MMP21: variants seen among roughly 807,000 people sequenced by gnomAD.
MMP21 encodes the protein matrix metallopeptidase 21.
MMP21 carries 40 observed loss-of-function variants against 47.8 expected under a neutral mutation model. The observed-to-expected ratio is 0.84, with a 90% CI of 0.65 to 1.09. The LOEUF (loss-of-function observed/expected upper bound fraction) is 1.09, where lower values mean the gene tolerates loss of function less well. Ranked by LOEUF, MMP21 falls within the 50% of genes least tolerant of loss-of-function variation. The pLI is 0.00. For missense variants in MMP21, 747 were observed against 775.3 expected (o/e 0.96, Z 0.43); for synonymous variants, 341 against 318.0 (o/e 1.07, Z -0.77).
chr10:125,768,767 G>T (rs1850412758), intron 5 of MMP21, among the ~76,000 whole-genome samples: 1 of 152,200 alleles, frequency 6.6e-6, no homozygotes, highest in Non-Finnish European at 1.5e-5. Context: ...CTATAATTAT[G>T]ATTCTTTGAG....
At chr10:125,775,265 G>A (rs973324923) in intron 1 of MMP21, among the ~76,000 whole-genome samples, 3 of 152,190 alleles carry the variant, frequency 2.0e-5, no homozygotes, top group South Asian at 2.1e-4. Flanking sequence ...TTACTATTGC[G>A]GTGTTGGGGA....
In MMP21 at chr10:125,773,053, G is replaced by C. The variant is rs768039083; in HGVS notation, c.698-303C>G. ...AAAAAGGCCTCACCCGGACAAGATC[G>C]GGGCCGGATCCTCGCCTCTGCGGAG... On this transcript the variant is annotated intron_variant, in intron 2 of 6. Coordinates refer to ENST00000368808, the MANE Select transcript of MMP21 (RefSeq NM_147191.1). This position sits in a 1 kb window ranked among gnomAD's most constrained non-coding sequence, Gnocchi z 4.8. Among the ~76,000 whole-genome samples, 1 of 152,252 alleles carries C rather than the reference G, an allele frequency of 6.6e-6. No homozygotes were observed. The highest frequency in any genetic ancestry group is 2.4e-5 in the African/African-American group (1 of 41,472).
Position 125,773,737 on chromosome 10 carries a change from G to GC in MMP21, c.697+93dup. 7.1e-7 allele frequency: 1 copy of GC among 1,412,494 alleles called. No individual in the cohort carries two copies. The highest frequency in any genetic ancestry group is 9.2e-7 in the Non-Finnish European group (1 of 1,086,012). 87.5% of individuals were successfully genotyped at this position (1,412,494 alleles called of 1,614,324 possible). A position where few individuals can be genotyped will look rare whatever the true frequency, so the allele number is the denominator to read the frequency against. Reference sequence around the variant, plus strand: ...CCCCGGGACAGGCCGGGAGGGCTTAGCCCCCCATTCTGCAGGTGGCCGAGG... The same window carrying GC: ...CCCCGGGACAGGCCGGGAGGGCTTAGCCCCCCCATTCTGCAGGTGGCCGAGG... On this transcript the variant is annotated intron_variant, in intron 2 of 6. Coordinates refer to ENST00000368808, the MANE Select transcript of MMP21 (RefSeq NM_147191.1). The surrounding 1 kb of genome is among the most constrained non-coding windows in gnomAD (Gnocchi z 4.8).
intron 4 of MMP21, among the ~76,000 whole-genome samples, chr10:125,770,849 C>CAAA (rs5788714): frequency 1.0e-5 from 1 of 98,138 alleles, no homozygotes; most frequent in African/African-American, 3.6e-5. Flanking sequence ...CCAGTGTCTA[C>CAAA]AAAAAAAAAA....
At position 125,774,147 on chromosome 10, in the gene MMP21, G is replaced by T; in HGVS notation, c.381C>A (p.Pro127=). ...GGCCCGGGGGCGAAGGCGGGGCGGAGGGGGGCGGTGGGCGCATGTCCGGGA... is the reference window on the plus strand; with the variant it reads ...GGCCCGGGGGCGAAGGCGGGGCGGATGGGGGCGGTGGGCGCATGTCCGGGA... ...CGVPDMRPPP[P]SAPPSPPGPP... is the part of the protein sequence containing the mutation. The change falls in exon 2 of 7, where the codon CCC becomes CCA. Residue 127 remains proline (P), a synonymous_variant. Coordinates refer to ENST00000368808, the MANE Select transcript of MMP21 (RefSeq NM_147191.1). The T allele has an allele frequency of 7.8e-7, 1 of 1,278,540 alleles. No homozygotes were observed. Among genetic ancestry groups the T allele is most frequent in the Non-Finnish European group, 9.8e-7 (1 of 1,016,732 alleles). The allele number at this position is 1,278,540 out of a possible 1,614,324, so 79.2% of individuals were successfully genotyped here.
intron 5 of MMP21, among the ~76,000 whole-genome samples, 174 bp downstream of exon 5, chr10:125,770,160 T>A (rs1850429761): frequency 6.6e-6 from 1 of 151,912 alleles, no homozygotes; most frequent in African/African-American, 2.4e-5. Flanking sequence ...ACAAAAAAAA[T>A]GGAATACAAC....
chr10:125,774,326 C>T lies in MMP21; in HGVS notation c.202G>A (p.Ala68Thr). The T allele has an allele frequency of 2.1e-6, 3 of 1,411,946 alleles. No individual in the cohort carries two copies. The highest frequency in any genetic ancestry group is 3.0e-5 in the East Asian group (1 of 33,366). 87.5% of individuals were successfully genotyped at this position (1,411,946 alleles called of 1,614,324 possible). A position where few individuals can be genotyped will look rare whatever the true frequency, so the allele number is the denominator to read the frequency against. Residue 68 changes from alanine to threonine, a missense_variant, in exon 2 of 7, where the codon GCC becomes ACC. Ala to Thr is a moderately conservative substitution (Grantham distance 58). Coordinates refer to ENST00000368808, the MANE Select transcript of MMP21 (RefSeq NM_147191.1). ...SRYGWSGVWA[A>T]WGPSPEGPPE... Reference sequence around the variant, plus strand: ...GGCCCCTCGGGACTGGGCCCCCAGGCCGCCCACACCCCTGACCAGCCGTAT... The same window carrying T: ...GGCCCCTCGGGACTGGGCCCCCAGGTCGCCCACACCCCTGACCAGCCGTAT...
In MMP21 at chr10:125,774,301, G is replaced by A. The variant is rs1850491578; in HGVS notation, c.227C>T (p.Pro76Leu). 2.1e-6 allele frequency: 3 copies of A among 1,415,930 alleles called. No homozygotes were observed. The highest frequency in any genetic ancestry group is 3.2e-5 in the Admixed American group (1 of 30,944). 87.7% of individuals were successfully genotyped at this position (1,415,930 alleles called of 1,614,324 possible). Residue 76 changes from proline to leucine, a missense_variant, in exon 2 of 7, where the codon CCG (proline) becomes CTG (leucine). Coordinates refer to ENST00000368808, the MANE Select transcript of MMP21 (RefSeq NM_147191.1). ...GGCGGCGCCCTTGGGGGTCTCCGGC[G>A]GCCCCTCGGGACTGGGCCCCCAGGC... ...WAAWGPSPEG[P>L]PETPKGAALA...
chr10:125,769,848 C>T (rs988002774), intron 5 of MMP21, among the ~76,000 whole-genome samples: 2 of 152,118 alleles, frequency 1.3e-5, no homozygotes, highest in Non-Finnish European at 2.9e-5. Context: ...GACTTAGTGC[C>T]GTCTTAAAAA....
chr10:125,767,071 T>G (rs558121884), intron 6 of MMP21, 110 bp from the exon 7 acceptor site: 2 of 855,484 alleles, frequency 2.3e-6, no homozygotes, highest in South Asian at 3.9e-5. Context: ...TTCTTTAGAC[T>G]TGAACTTCTT....
rs150375911 is a variant in MMP21 at position 125,774,042 on chromosome 10, G to A, written c.486C>T (p.Tyr162=). The part of the protein sequence containing the change: ...LSRRGWQPRG[Y]PDGGAAQAFS... Reference sequence around the variant, plus strand: ...AGGCCTGGGCAGCTCCGCCGTCGGGGTAGCCCCGGGGCTGCCAACCCCGCC... The same window carrying A: ...AGGCCTGGGCAGCTCCGCCGTCGGGATAGCCCCGGGGCTGCCAACCCCGCC... The change falls in exon 2 of 7, where the codon TAC becomes TAT. Residue 162 remains tyrosine, a synonymous_variant. Coordinates refer to ENST00000368808, the MANE Select transcript of MMP21 (RefSeq NM_147191.1). The A allele has an allele frequency of 0.014, 21,298 of 1,482,208 alleles. 226 individuals are homozygous for A. Among genetic ancestry groups the A allele is most frequent in the Middle Eastern group, 0.021 (119 of 5,718 alleles). 91.8% of individuals were successfully genotyped at this position (1,482,208 alleles called of 1,614,324 possible).
chr10:125,766,717 A>G lies in MMP21; in HGVS notation c.1655T>C (p.Ile552Thr). The G allele has an allele frequency of 2.5e-6, 4 of 1,613,782 alleles. No homozygotes were observed. The highest frequency in any genetic ancestry group is 1.7e-4 in the Middle Eastern group (1 of 6,056). Reference sequence around the variant, plus strand: ...ACAAACATCAAACCACTTCTCTGAAATAAACTTTTTTGGAAATAAGCCATT... The same window carrying G: ...ACAAACATCAAACCACTTCTCTGAAGTAAACTTTTTTGGAAATAAGCCATT... ...PANGLFPKKF[I>T]SEKWFDVCDV... Residue 552 changes from isoleucine to threonine, a missense_variant, in exon 7 of 7, where the codon ATT becomes ACT. By Grantham distance (89) the Ile-to-Thr change is moderately conservative. Transcript: ENST00000368808.
intron 1 of MMP21, 23 bp from the exon 2 acceptor site, chr10:125,774,388 A>G: frequency 7.6e-7 from 1 of 1,323,446 alleles, no homozygotes; most frequent in East Asian, 3.1e-5. Flanking sequence ...AAGGCACCCT[A>G]ATCTGGGCCG....
Position 125,773,780 on chromosome 10 carries a change from G to C in MMP21, c.697+51C>G, listed in dbSNP as rs764658680. On this transcript the variant is annotated intron_variant, in intron 2 of 6. Transcript: ENST00000368808. This position sits in a 1 kb window ranked among gnomAD's most constrained non-coding sequence, Gnocchi z 4.8. ...GGCCGAGGTGGGGGTAGGTGCGCCG[G>C]GGTCCCCGAGGGGCTGGGTCGGGCA... 6.9e-7 allele frequency: 1 copy of C among 1,451,868 alleles called. No homozygotes were observed. The highest frequency in any genetic ancestry group is 2.4e-5 in the Admixed American group (1 of 41,140). The allele number at this position is 1,451,868 out of a possible 1,614,324, so 89.9% of individuals were successfully genotyped here.
rs1589893855 is a variant in MMP21 at position 125,772,802 on chromosome 10, A to G, written c.698-52T>C. 4.4e-6 allele frequency: 7 copies of G among 1,593,590 alleles called. No individual in the cohort carries two copies. The highest frequency in any genetic ancestry group is 6.0e-6 in the Non-Finnish European group (7 of 1,169,304). Reference sequence around the variant, plus strand: ...CCGGTGAAGGATGAGTGCCCCCCATACAGACTCCTCACCTAGGGGGTCCCC... The same window carrying G: ...CCGGTGAAGGATGAGTGCCCCCCATGCAGACTCCTCACCTAGGGGGTCCCC... On this transcript the variant is annotated intron_variant, in intron 2 of 6. Coordinates refer to ENST00000368808, the MANE Select transcript of MMP21 (RefSeq NM_147191.1). This position sits in a 1 kb window ranked among gnomAD's most constrained non-coding sequence, Gnocchi z 5.6.
chr10:125,767,058 AAATTCT>A, intron 6 of MMP21, 97 bp from the exon 7 acceptor site: 1 of 992,300 alleles, frequency 1.0e-6, no homozygotes, highest in African/African-American at 1.6e-5. Flanking sequence ...ACTTTGTACC[AAATTCT>A]TTAGACTTGA....
At chr10:125,767,384 C>T (rs754015851) in intron 6 of MMP21, 148 bp downstream of exon 6, 27 of 716,144 alleles carry the variant, frequency 3.8e-5, no homozygotes, top group South Asian at 1.2e-4. Context: ...TTAAGCGATC[C>T]GCCCACCTTG....
Position 125,772,616 on chromosome 10 carries a change from G to A in MMP21, c.832C>T (p.Leu278Phe). 6.2e-7 allele frequency: 1 copy of A among 1,614,256 alleles called. No homozygotes were observed. Among genetic ancestry groups the A allele is most frequent in the Non-Finnish European group, 8.5e-7 (1 of 1,180,046 alleles). Residue 278 changes from leucine to phenylalanine, a missense_variant, in exon 3 of 7, where the codon CTC becomes TTC. Coordinates refer to ENST00000368808, the MANE Select transcript of MMP21 (RefSeq NM_147191.1). The surrounding 1 kb of genome is among the most constrained non-coding windows in gnomAD (Gnocchi z 5.6). ...AGTGGCTCAGGACCACTGACCTTGAGAAGGCTGATGCCCGTGTCACTGGTG... is the reference window on the plus strand; with the variant it reads ...AGTGGCTCAGGACCACTGACCTTGAAAAGGCTGATGCCCGTGTCACTGGTG... ...PPTSDTGISL[L>F]KVAVHEIGHV... is the part of the protein sequence containing the mutation.
At chr10:125,768,870 AAGTC>A (rs28381311) in intron 5 of MMP21, among the ~76,000 whole-genome samples, 4 of 152,350 alleles carry the variant, frequency 2.6e-5, no homozygotes, top group Non-Finnish European at 5.9e-5. Flanking sequence ...AGTCAGCTGT[AAGTC>A]AGTTTTTTTA....
Sources: allele counts gnomAD v4.1 joint callset (sites outside exome capture counted in the v4.1 genomes callset), GRCh38; gene constraint gnomAD v4.1.1; non-coding constraint Gnocchi (gnomAD v3.1); transcripts MANE v1.5; gene names NCBI Gene and HGNC (gene_info 2026-07-23, HGNC 2026-07-21).